ARHGAP22: variants seen among roughly 807,000 people sequenced by gnomAD.
ARHGAP22 encodes the protein rho GTPase-activating protein 22.
ARHGAP22 carries 48 observed loss-of-function variants against 59.1 expected under a neutral mutation model. The observed-to-expected ratio is 0.81, with a 90% CI of 0.64 to 1.03. The LOEUF is 1.03. Among genes scored for constraint, ARHGAP22 ranks in the 50% least tolerant of loss-of-function variants. The pLI is 0.00. For missense variants in ARHGAP22, 1,015 were observed against 958.7 expected, an observed-to-expected ratio of 1.06 and a Z score of -0.78; for synonymous variants, 445 against 416.4, an observed-to-expected ratio of 1.07 and a Z score of -0.84.
chr10:48,468,734 T>G (rs535079063), intron 4 of ARHGAP22, among the ~76,000 whole-genome samples: 12 of 152,324 alleles, frequency 7.9e-5, no homozygotes, highest in African/African-American at 2.4e-4. Flanking sequence ...CTGAGTTTTT[T>G]TGGTGCCCCC....
intron 1 of ARHGAP22, among the ~76,000 whole-genome samples, chr10:48,617,196 A>T (rs113390086): frequency 5.5e-4 from 84 of 152,188 alleles, no homozygotes; most frequent in Non-Finnish European, 9.9e-4. Flanking sequence ...CCACTCAGAT[A>T]TACAAAGCAA....
Position 48,535,246 on chromosome 10 carries a change from T to C in ARHGAP22, c.322+20217A>G, listed in dbSNP as rs550028034. ...GCACATCAATCAGGTAATTCATGCT[T>C]GCTGCTCTAACAGCTCCCAAATCTC... On this transcript the variant is annotated intron_variant, in intron 3 of 9. Coordinates refer to ENST00000249601, the MANE Select transcript of ARHGAP22 (RefSeq NM_021226.4). Among the ~76,000 whole-genome samples the C allele has an allele frequency of 3.3e-5, 5 of 152,358 alleles. No individual in the cohort carries two copies. In the East Asian group the frequency reaches 9.6e-4, roughly 29 times the overall value.
chr10:48,454,854 CAGG>C, intron 6 of ARHGAP22, 145 bp downstream of exon 6: 6 of 1,109,496 alleles, frequency 5.4e-6, no homozygotes, highest in Admixed American at 3.1e-5. Flanking sequence ...CAGGATGCTC[CAGG>C]CCCCCACCAC....
At chr10:48,621,745 T>C (rs1292122026) in intron 1 of ARHGAP22, among the ~76,000 whole-genome samples, 1 of 152,256 alleles carries the variant, frequency 6.6e-6, no homozygotes, top group Non-Finnish European at 1.5e-5. Context: ...GGAATTGAGA[T>C]ACTGAAATTT....
chr10:48,523,264 G>A (rs551598002), intron 3 of ARHGAP22, among the ~76,000 whole-genome samples: 1 of 152,328 alleles, frequency 6.6e-6, no homozygotes, highest in Admixed American at 6.5e-5. Context: ...GGCCAGGGTG[G>A]GGCCTGGGAA....
intron 3 of ARHGAP22, among the ~76,000 whole-genome samples, chr10:48,509,419 G>A (rs1206367109): frequency 6.6e-6 from 1 of 152,348 alleles, no homozygotes; most frequent in Admixed American, 6.5e-5. Flanking sequence ...GTCTACCATC[G>A]ATGGCTGTGC....
chr10:48,488,105 C>G (rs973743404), intron 3 of ARHGAP22, among the ~76,000 whole-genome samples: 6 of 152,170 alleles, frequency 3.9e-5, no homozygotes, highest in African/African-American at 1.4e-4. Flanking sequence ...AAAACTAATA[C>G]AGCTAGCTGC....
At chr10:48,600,095 T>G (rs1291336726) in intron 1 of ARHGAP22, among the ~76,000 whole-genome samples, 1 of 152,226 alleles carries the variant, frequency 6.6e-6, no homozygotes, top group Non-Finnish European at 1.5e-5. Context: ...GTTTTCTCCC[T>G]TGTCTCACAG....
At chr10:48,465,551 G>A (rs900691910) in intron 4 of ARHGAP22, among the ~76,000 whole-genome samples, 1 of 152,234 alleles carries the variant, frequency 6.6e-6, no homozygotes, top group Non-Finnish European at 1.5e-5. Flanking sequence ...GGACCTTGCA[G>A]GGTCAATTCC....
intron 3 of ARHGAP22, among the ~76,000 whole-genome samples, chr10:48,494,319 T>C (rs1173413013): frequency 6.6e-6 from 1 of 152,192 alleles, no homozygotes; most frequent in East Asian, 1.9e-4. Context: ...CCCTTGCCTC[T>C]GGGACAAAGG....
intron 2 of ARHGAP22, among the ~76,000 whole-genome samples, chr10:48,570,388 T>C (rs758401691): frequency 7.2e-5 from 11 of 152,244 alleles, no homozygotes; most frequent in Non-Finnish European, 1.3e-4. Context: ...TGTTGAATTT[T>C]TCTTCTGCAG....
intron 1 of ARHGAP22, among the ~76,000 whole-genome samples, chr10:48,600,737 C>G (rs913538672): frequency 7.9e-5 from 12 of 152,202 alleles, no homozygotes; most frequent in African/African-American, 2.9e-4. Flanking sequence ...TGACAAGAGA[C>G]AGCTTGGTTC....
At chr10:48,635,946 G>A (rs981332734) in intron 1 of ARHGAP22, among the ~76,000 whole-genome samples, 2 of 152,226 alleles carry the variant, frequency 1.3e-5, no homozygotes, top group Non-Finnish European at 2.9e-5. Flanking sequence ...GGAATTAAAT[G>A]ACATCACCCC....
rs566452729 is a variant in ARHGAP22, at chr10:48,642,067, A to G, written c.52+10167T>C. Among the ~76,000 whole-genome samples the G allele has an allele frequency of 5.9e-5, 9 of 152,338 alleles. No individual in the cohort carries two copies. In the South Asian group the frequency reaches 1.7e-3, roughly 28 times the overall value. On this transcript the variant is annotated intron_variant, in intron 1 of 9. Coordinates refer to the ARHGAP22 transcript ENST00000435790. ...TCCTCTTCAAGGAGTACTACAAATCACTGCTCAACGAAATAAAAGAGAACA... is the reference window on the plus strand; with the variant it reads ...TCCTCTTCAAGGAGTACTACAAATCGCTGCTCAACGAAATAAAAGAGAACA...
rs570506050 is a variant in ARHGAP22, at chr10:48,513,855, T to C, written c.323-34091A>G. ...TAGATAAAGTCTTCAAATCAGCTAC[T>C]GTAAATATGTTCAAAGAACTAAAGG... On this transcript the variant is annotated intron_variant, in intron 3 of 9. Transcript: ENST00000249601. 2.0e-5 allele frequency among the ~76,000 whole-genome samples: 3 copies of C among 152,292 alleles called. No individual in the cohort carries two copies. The East Asian group carries it at 5.8e-4, about 29-fold the overall frequency.
At chr10:48,569,006 C>T (rs563978800) in intron 2 of ARHGAP22, among the ~76,000 whole-genome samples, 1 of 152,294 alleles carries the variant, frequency 6.6e-6, no homozygotes, top group Non-Finnish European at 1.5e-5. Flanking sequence ...TTTTTCTGCT[C>T]AAAATACACC....
intron 3 of ARHGAP22, among the ~76,000 whole-genome samples, chr10:48,517,279 TAA>T (rs557102548): frequency 1.3e-3 from 200 of 152,296 alleles, no homozygotes; most frequent in African/African-American, 4.6e-3. Flanking sequence ...TACAGCTGTT[TAA>T]AAGAGTCCAG....
chr10:48,577,325 C>T lies in ARHGAP22; in HGVS notation c.234+5628G>A, dbSNP rs537322965. Among the ~76,000 whole-genome samples the T allele has an allele frequency of 9.2e-5, 14 of 152,264 alleles. 1 individual carries two copies. In the East Asian group the frequency reaches 2.1e-3, roughly 23 times the overall value. Reference sequence around the variant, plus strand: ...CCTGCAACTTGCTTTTTGTTTTCTTCCTCTTTTTGTCTTGGTTCCTCAAAT... The same window carrying T: ...CCTGCAACTTGCTTTTTGTTTTCTTTCTCTTTTTGTCTTGGTTCCTCAAAT... On this transcript the variant is annotated intron_variant, in intron 2 of 9. Transcript: ENST00000249601.
At chr10:48,482,080 G>A (rs1038646150) in intron 3 of ARHGAP22, among the ~76,000 whole-genome samples, 20 of 152,116 alleles carry the variant, frequency 1.3e-4, no homozygotes, top group African/African-American at 4.6e-4. Flanking sequence ...TCTATTAACA[G>A]TGTATTTCCA....
Sources: gnomAD v4.1 joint callset for allele counts (sites outside exome capture counted in the v4.1 genomes callset) on GRCh38, gnomAD v4.1.1 for gene constraint, MANE v1.5 for transcripts, NCBI Gene and HGNC (gene_info 2026-07-23, HGNC 2026-07-21) for gene names.